FOXP2: variants seen among roughly 807,000 people sequenced by gnomAD.
The protein encoded by FOXP2 is forkhead box P2.
FOXP2 carries 12 observed loss-of-function variants against 115.8 expected under a neutral mutation model. The ratio of observed to expected loss-of-function variants is 0.10; its 90% CI spans 0.07 to 0.17. The LOEUF (loss-of-function observed/expected upper bound fraction) is 0.17, where lower values mean the gene tolerates loss of function less well. Among genes scored for constraint, FOXP2 ranks in the 10% least tolerant of loss-of-function variants. The pLI is 1.00. For synonymous variants in FOXP2, 328 were observed against 297.7 expected (o/e 1.10, Z -1.05); for missense variants, 629 against 843.5 (o/e 0.75, Z 3.15).
At chr7:114,547,746 G>A (rs1800001953) in intron 3 of FOXP2, among the ~76,000 whole-genome samples, 1 of 151,734 alleles carries the variant, frequency 6.6e-6, no homozygotes, top group Non-Finnish European at 1.5e-5. Context: ...GCAACAGAGC[G>A]AGACGTCGTC....
At chr7:114,584,689 C>G (rs1030665023) in intron 3 of FOXP2, among the ~76,000 whole-genome samples, 1 of 152,186 alleles carries the variant, frequency 6.6e-6, no homozygotes, top group East Asian at 1.9e-4. Flanking sequence ...TCTTGCCCAC[C>G]ACCATGGCTT....
chr7:114,454,357 A>T (rs1046177168), intron 2 of FOXP2, among the ~76,000 whole-genome samples: 1 of 152,140 alleles, frequency 6.6e-6, no homozygotes, highest in Non-Finnish European at 1.5e-5. Flanking sequence ...ATCATTAAAA[A>T]GTCAGGAAAC....
At chr7:114,204,435 A>G (rs894334278) in intron 1 of FOXP2, among the ~76,000 whole-genome samples, 2 of 152,186 alleles carry the variant, frequency 1.3e-5, no homozygotes, top group African/African-American at 4.8e-5. Flanking sequence ...AACTGTAGAA[A>G]AAGTCTGAGA....
chr7:114,534,680 A>G lies in FOXP2; in HGVS notation c.232A>G (p.Ser78Gly), dbSNP rs1056005508. The change falls in exon 3 of 17, where the codon AGC becomes GGC. Residue 78 changes from serine (S) to glycine (G), a missense_variant. Coordinates refer to ENST00000350908, the MANE Select transcript of FOXP2 (RefSeq NM_014491.4). ...QQTSGLKSPKSSDKQRPLQVP... is the reference protein window; with the variant it reads ...QQTSGLKSPKGSDKQRPLQVP... ...AACAAGTGGATTGAAATCTCCTAAG[A>G]GCAGTGATAAACAGAGACCACTGCA... 6.2e-7 allele frequency: 1 copy of G among 1,611,960 alleles called. No homozygotes were observed. The highest frequency in any genetic ancestry group is 1.7e-5 in the Admixed American group (1 of 59,850).
At chr7:114,232,875 G>T (rs1294745172) in intron 1 of FOXP2, among the ~76,000 whole-genome samples, 1 of 151,968 alleles carries the variant, frequency 6.6e-6, no homozygotes, top group Admixed American at 6.6e-5. Context: ...TAACGTGAAT[G>T]AAATTTGAGA....
At chr7:114,641,399 C>G (rs1434083024) in intron 6 of FOXP2, among the ~76,000 whole-genome samples, 1 of 152,080 alleles carries the variant, frequency 6.6e-6, no homozygotes, top group Non-Finnish European at 1.5e-5. Context: ...TAACCTGAAT[C>G]AGGGAATTGT....
At chr7:114,260,899 A>C (rs1584587893) in intron 1 of FOXP2, among the ~76,000 whole-genome samples, 1 of 131,046 alleles carries the variant, frequency 7.6e-6, no homozygotes, top group Admixed American at 7.2e-5. Flanking sequence ...GAAATTAACG[A>C]GTGGGTGGAA....
chr7:114,577,879 A>G (rs1801656224), intron 3 of FOXP2, among the ~76,000 whole-genome samples: 1 of 151,966 alleles, frequency 6.6e-6, no homozygotes, highest in Admixed American at 6.6e-5. Flanking sequence ...AATAAAGGGG[A>G]GGCATCAAGC....
intron 1 of FOXP2, among the ~76,000 whole-genome samples, chr7:114,211,422 T>A (rs1241959405): frequency 6.6e-6 from 1 of 152,156 alleles, no homozygotes; most frequent in African/African-American, 2.4e-5. Context: ...GATCACACAG[T>A]CACCACTTTC....
At chr7:114,680,847 G>A (rs1297131075) in intron 16 of FOXP2, among the ~76,000 whole-genome samples, 1 of 152,058 alleles carries the variant, frequency 6.6e-6, no homozygotes, top group Non-Finnish European at 1.5e-5. Context: ...ATGAATGTCT[G>A]AACCATCTAG....
At chr7:114,152,954 A>C (rs1584510284) in intron 1 of FOXP2, among the ~76,000 whole-genome samples, 1 of 152,196 alleles carries the variant, frequency 6.6e-6, no homozygotes, top group Non-Finnish European at 1.5e-5. Context: ...TCCACGGAAC[A>C]GAACATGCCT....
At chr7:114,203,632 C>G (rs938051123) in intron 1 of FOXP2, among the ~76,000 whole-genome samples, 10 of 152,134 alleles carry the variant, frequency 6.6e-5, no homozygotes, top group Admixed American at 2.0e-4. Context: ...GTGTGAGCCA[C>G]CATGCCTGGC....
chr7:114,356,959 C>G (rs1791631510), intron 2 of FOXP2, among the ~76,000 whole-genome samples: 1 of 152,062 alleles, frequency 6.6e-6, no homozygotes, highest in African/African-American at 2.4e-5. Context: ...ATTTTGGTGA[C>G]AAAGAGCGTA....
chr7:114,364,860 T>C (rs561462115), intron 2 of FOXP2, among the ~76,000 whole-genome samples: 2 of 152,190 alleles, frequency 1.3e-5, no homozygotes, highest in African/African-American at 4.8e-5. Context: ...TCTCTTACTC[T>C]GCATTTATTA....
chr7:114,165,232 G>A (rs1477400145), intron 1 of FOXP2, among the ~76,000 whole-genome samples: 2 of 152,124 alleles, frequency 1.3e-5, no homozygotes, highest in Non-Finnish European at 2.9e-5. Flanking sequence ...AGGCAACGAG[G>A]TTCCTTCTCA....
chr7:114,181,851 A>C (rs576659847), intron 1 of FOXP2, among the ~76,000 whole-genome samples: 48 of 152,208 alleles, frequency 3.2e-4, no homozygotes, highest in Non-Finnish European at 5.9e-4. Context: ...AAAGAAATCT[A>C]TATCTGTAGA....
chr7:114,191,837 A>G (rs776513054), intron 1 of FOXP2, among the ~76,000 whole-genome samples: 1 of 152,134 alleles, frequency 6.6e-6, no homozygotes, highest in Non-Finnish European at 1.5e-5. Context: ...GCGGGTTTTG[A>G]CAAATGTACG....
intron 1 of FOXP2, among the ~76,000 whole-genome samples, chr7:114,280,210 T>C (rs146754918): frequency 6.9e-4 from 105 of 152,186 alleles, no homozygotes; most frequent in African/African-American, 2.4e-3. Flanking sequence ...CCCCGTAGAA[T>C]GAATTAAGTC....
chr7:114,287,475 G>GGAAGAAA (rs1796494808), intron 1 of FOXP2, among the ~76,000 whole-genome samples: 1 of 151,876 alleles, frequency 6.6e-6, no homozygotes, highest in Admixed American at 6.6e-5. Context: ...ACTAGAAAAC[G>GGAAGAAA]AGAGTAGTTG....
Sources: gnomAD v4.1 joint callset for allele counts (sites outside exome capture counted in the v4.1 genomes callset) on GRCh38, gnomAD v4.1.1 for gene constraint, MANE v1.5 for transcripts, NCBI Gene and HGNC (gene_info 2026-07-23, HGNC 2026-07-21) for gene names.